Variants in SLC15A1 observed in about 807,000 individuals in gnomAD.
SLC15A1 encodes Caco-2 oligopeptide transporter.
A neutral mutation model predicts 92.9 loss-of-function variants in SLC15A1; 83 were observed. That is an observed-to-expected ratio of 0.89 (90% CI 0.75 to 1.07). The LOEUF is 1.07. Among genes scored for constraint, SLC15A1 ranks in the 50% least tolerant of loss-of-function variants. The probability of loss-of-function intolerance (pLI) is 0.00; values close to 1 mark genes in which losing one functional copy is unlikely to be tolerated. For missense variants in SLC15A1, 857 were observed against 880.1 expected, an observed-to-expected ratio of 0.97 and a Z score of 0.33; for synonymous variants, 322 against 318.2, an observed-to-expected ratio of 1.01 and a Z score of -0.13.
chr13:98,706,319 T>C, intron 15 of SLC15A1, 66 bp from the exon 16 acceptor site: 1 of 1,570,510 alleles, frequency 6.4e-7, no homozygotes, highest in South Asian at 1.2e-5. Flanking sequence ...ATCTTAACCC[T>C]GACAAGGGGG....
chr13:98,744,162 G>A (rs2088472951), intron 1 of SLC15A1, among the ~76,000 whole-genome samples: 1 of 147,116 alleles, frequency 6.8e-6, no homozygotes, highest in Non-Finnish European at 1.5e-5. Flanking sequence ...GATTGCTTAA[G>A]CCAGGGAGGT....
In SLC15A1 at chr13:98,688,468, A is replaced by T; in HGVS notation, c.1574+2T>A. The stretch of plus-strand genomic sequence containing the variant: ...AGTGAAGCATTCAGTCTCGGTACTT[A>T]CATGCCAGAAGGAAAAAACTGGTAT... On this transcript the variant is annotated splice_donor_variant, in intron 19 of 22. Coordinates refer to ENST00000376503, the MANE Select transcript of SLC15A1 (RefSeq NM_005073.4). LOFTEE classifies it high-confidence loss of function. The T allele has an allele frequency of 6.2e-7, 1 of 1,613,326 alleles. No homozygotes were observed. The highest frequency in any genetic ancestry group is 1.1e-5 in the South Asian group (1 of 91,040).
At chr13:98,697,062 T>C (rs1279282802) in intron 18 of SLC15A1, among the ~76,000 whole-genome samples, 3 of 152,262 alleles carry the variant, frequency 2.0e-5, no homozygotes, top group African/African-American at 2.4e-5. Flanking sequence ...TCTTTTCTTT[T>C]TTTTTCTTTT....
chr13:98,724,064 A>G, intron 4 of SLC15A1, 33 bp from the exon 5 acceptor site: 1 of 1,612,366 alleles, frequency 6.2e-7, no homozygotes, highest in Non-Finnish European at 8.5e-7. Context: ...AATCCGAGTT[A>G]ATTGCACAAT....
chr13:98,737,305 G>C (rs976892854), intron 1 of SLC15A1, among the ~76,000 whole-genome samples: 2 of 152,150 alleles, frequency 1.3e-5, no homozygotes, highest in African/African-American at 2.4e-5. Flanking sequence ...AGAACACTTG[G>C]ACACAGGGTG....
intron 22 of SLC15A1, 48 bp downstream of exon 22, chr13:98,686,142 T>C (rs1208067696): frequency 1.1e-5 from 15 of 1,385,918 alleles, no homozygotes; most frequent in Middle Eastern, 1.8e-4. Context: ...ATGATGACCA[T>C]GAACAGGAAA....
At chr13:98,746,802 TGA>T (rs1446510561) in intron 1 of SLC15A1, among the ~76,000 whole-genome samples, 2 of 152,186 alleles carry the variant, frequency 1.3e-5, no homozygotes, top group African/African-American at 4.8e-5. Flanking sequence ...CTCTCTCCAA[TGA>T]GAGACCCCTT....
rs200364805 is a variant in SLC15A1, at chr13:98,688,263, A to G, written c.1668T>C (p.Tyr556=). The G allele has an allele frequency of 2.5e-6, 4 of 1,611,102 alleles. No individual in the cohort carries two copies. The East Asian group carries it at 6.7e-5, about 27-fold the overall frequency. The change falls in exon 20 of 23, where the codon TAT becomes TAC. Residue 556 remains tyrosine, a synonymous_variant. Coordinates refer to ENST00000376503, the MANE Select transcript of SLC15A1 (RefSeq NM_005073.4). ...AGTTACTAACCTTCCTTTGGACTAT[A>G]TAGGTATAAGCACTACCAAATTCAA... The part of the protein sequence containing the change: ...FYLEFGSAYT[Y]IVQRKNDSCP...
intron 14 of SLC15A1, among the ~76,000 whole-genome samples, chr13:98,709,371 C>A (rs187802892): frequency 6.6e-6 from 1 of 152,196 alleles, no homozygotes; most frequent in South Asian, 2.1e-4. Flanking sequence ...TGATTAAAGG[C>A]CTTTTCAGGC....
At position 98,709,639 on chromosome 13, in the gene SLC15A1, C is replaced by A; in HGVS notation, c.1000G>T (p.Val334Leu). The change falls in exon 14 of 23, where the codon GTG becomes TTG. Residue 334 changes from valine to leucine, a missense_variant. Physicochemically the swap from Val to Leu is conservative, Grantham distance 32. Transcript: ENST00000376503. ...GCATCGAAGATCGGGACCATGATCA[C>A]GATCAGGATGGCGTTCACGGTCTGC... ...QMQTVNAILI[V>L]IMVPIFDAVL... 1 of 1,614,164 alleles carries A rather than the reference C, an allele frequency of 6.2e-7. No homozygotes were observed. Among genetic ancestry groups the A allele is most frequent in the Non-Finnish European group, 8.5e-7 (1 of 1,180,038 alleles).
At chr13:98,729,007 C>CAAA (rs1176117196) in intron 1 of SLC15A1, among the ~76,000 whole-genome samples, 3 of 69,654 alleles carry the variant, frequency 4.3e-5, no homozygotes, top group Non-Finnish European at 8.7e-5. Context: ...AAAAAAAAAA[C>CAAA]AACAAGCCCC....
At chr13:98,737,256 C>T (rs1016728306) in intron 1 of SLC15A1, among the ~76,000 whole-genome samples, 5 of 152,200 alleles carry the variant, frequency 3.3e-5, no homozygotes, top group African/African-American at 9.7e-5. Context: ...GAAAACCAAA[C>T]ACCTCATGTT....
At chr13:98,696,753 G>T (rs906475857) in intron 18 of SLC15A1, among the ~76,000 whole-genome samples, 2 of 152,142 alleles carry the variant, frequency 1.3e-5, no homozygotes, top group Admixed American at 6.5e-5. Context: ...GAATGGTGTC[G>T]CTCTCAAATT....
chr13:98,707,977 T>A (rs1405158434), intron 15 of SLC15A1, among the ~76,000 whole-genome samples: 1 of 151,276 alleles, frequency 6.6e-6, no homozygotes, highest in African/African-American at 2.4e-5. Context: ...TAGTTTTTTT[T>A]AAATTTAAAG....
chr13:98,700,314 C>G (rs1254547835), intron 18 of SLC15A1, among the ~76,000 whole-genome samples: 1 of 151,574 alleles, frequency 6.6e-6, no homozygotes, highest in Non-Finnish European at 1.5e-5. Flanking sequence ...TAGTGAGACC[C>G]CATCTCTACC....
At chr13:98,714,021 C>G (rs1243954255) in intron 9 of SLC15A1, among the ~76,000 whole-genome samples, 1 of 147,886 alleles carries the variant, frequency 6.8e-6, no homozygotes, top group Non-Finnish European at 1.5e-5. Flanking sequence ...CTACTACACT[C>G]TAGCCTGGGT....
rs549521702 is a variant in SLC15A1 at position 98,708,562 on chromosome 13, G to C, written c.1149+124C>G. ...GTGCCTCCCACTGCCCACAGCTCCA[G>C]GGCTCAGTTTACAGAGAAAGACCTT... On this transcript the variant is annotated intron_variant, in intron 15 of 22. Coordinates refer to ENST00000376503, the MANE Select transcript of SLC15A1 (RefSeq NM_005073.4). 51 of 743,324 alleles carry C rather than the reference G, an allele frequency of 6.9e-5. No individual in the cohort carries two copies. In the African/African-American group the frequency reaches 8.8e-4, roughly 13 times the overall value. 46.0% of individuals were successfully genotyped at this position (743,324 alleles called of 1,614,324 possible).
At chr13:98,726,908 T>C (rs752580256) in intron 1 of SLC15A1, 49 bp from the exon 2 acceptor site, 22 of 1,598,336 alleles carry the variant, frequency 1.4e-5, no homozygotes, top group Non-Finnish European at 1.9e-5. Flanking sequence ...ATTACAATAG[T>C]TTTTGCTGTG....
Position 98,700,600 on chromosome 13 carries a change from C to T in SLC15A1, c.1466+1880G>A, listed in dbSNP as rs528634617. Among the ~76,000 whole-genome samples the T allele has an allele frequency of 1.6e-4, 24 of 150,582 alleles. No homozygotes were observed. The South Asian group carries it at 4.8e-3, about 30-fold the overall frequency. ...GTGTTTTTGATGTCATATCTAAGAA[C>T]CCAAAGTCACAAGAGTTTATGTTTC... On this transcript the variant is annotated intron_variant, in intron 18 of 22. Transcript: ENST00000376503.
Sources: allele counts gnomAD v4.1 joint callset (sites outside exome capture counted in the v4.1 genomes callset), GRCh38; gene constraint gnomAD v4.1.1; transcripts MANE v1.5; gene names NCBI Gene and HGNC (gene_info 2026-07-23, HGNC 2026-07-21).